MBNL2: variants seen among roughly 807,000 people sequenced by gnomAD.
MBNL2 encodes muscleblind-like protein 2.
A neutral mutation model predicts 41.9 loss-of-function variants in MBNL2; 17 were observed. That is an observed-to-expected ratio of 0.41 (90% CI 0.28 to 0.61). The LOEUF (loss-of-function observed/expected upper bound fraction) is 0.61. MBNL2 is among the 20% of genes least tolerant of loss of function. The probability of loss-of-function intolerance (pLI) is 0.35; values close to 1 mark genes in which losing one functional copy is unlikely to be tolerated. For missense variants in MBNL2, 336 were observed against 505.6 expected, an observed-to-expected ratio of 0.66 and a Z score of 3.22; for synonymous variants, 195 against 182.9, an observed-to-expected ratio of 1.07 and a Z score of -0.53.
rs1367301767 is a variant in MBNL2, at chr13:97,391,859, G to A, written c.*410G>A. The A allele has an allele frequency of 6.1e-6, 1 of 162,776 alleles. No homozygotes were observed. Among genetic ancestry groups the A allele is most frequent in the East Asian group, 1.9e-4 (1 of 5,254 alleles). 10.1% of individuals were successfully genotyped at this position (162,776 alleles called of 1,614,324 possible). A position where few individuals can be genotyped will look rare whatever the true frequency, so the allele number is the denominator to read the frequency against. On this transcript the variant is annotated 3_prime_UTR_variant, in exon 9 of 9. Transcript: ENST00000679496. ...TGTTTCACTTCTTGACAATATAAATGCTGCAGCAAAGATGAGAGGTGAAGT... is the reference window on the plus strand; with the variant it reads ...TGTTTCACTTCTTGACAATATAAATACTGCAGCAAAGATGAGAGGTGAAGT...
chr13:97,268,266 AT>A lies in MBNL2; in HGVS notation c.-604-7359del, dbSNP rs996318806. Among the ~76,000 whole-genome samples the A allele has an allele frequency of 1.3e-5, 2 of 151,864 alleles. No individual in the cohort carries two copies. The highest frequency in any genetic ancestry group is 4.8e-5 in the African/African-American group (2 of 41,326). On this transcript the variant is annotated intron_variant, in intron 1 of 8. Coordinates refer to ENST00000679496, the MANE Select transcript of MBNL2 (RefSeq NM_001382683.1). The surrounding 1 kb of genome is among the most constrained non-coding windows in gnomAD (Gnocchi z 4.6). ...TGCGCCACCATGCACGCCCGGCTAA[AT>A]TTTTTTCTATTTTTTGTAGACATGG...
chr13:97,284,766 G>GGAAT (rs1295477662), intron 2 of MBNL2, among the ~76,000 whole-genome samples: 5 of 152,160 alleles, frequency 3.3e-5, no homozygotes, highest in African/African-American at 1.2e-4. Context: ...AATCGAAGAA[G>GGAAT]GAATGATGAC....
At chr13:97,142,256 T>G in the MBNL2 span, among the ~76,000 whole-genome samples, 1 of 152,198 alleles carries the variant, frequency 6.6e-6, no homozygotes, top group African/African-American at 2.4e-5. Flanking sequence ...TTAGAAAAGA[T>G]AAGGTATTAA....
chr13:97,144,466 G>A, the MBNL2 span, among the ~76,000 whole-genome samples: 1 of 120,662 alleles, frequency 8.3e-6, no homozygotes, highest in Non-Finnish European at 1.6e-5. Flanking sequence ...TTTCGTGCTT[G>A]TTTCCTAGGC....
intron 2 of MBNL2, among the ~76,000 whole-genome samples, chr13:97,293,121 C>T (rs754034477): frequency 2.0e-5 from 3 of 151,774 alleles, no homozygotes; most frequent in Admixed American, 6.6e-5. Context: ...TGTCTTTTTG[C>T]CCATAAATTC....
chr13:97,372,088 T>A (rs936999137), intron 8 of MBNL2, among the ~76,000 whole-genome samples: 1 of 152,232 alleles, frequency 6.6e-6, no homozygotes, highest in Admixed American at 6.5e-5. Context: ...CAGAGCTCTA[T>A]GGACAGTGAA....
intron 2 of MBNL2, among the ~76,000 whole-genome samples, chr13:97,294,874 G>C (rs747844202): frequency 6.6e-6 from 1 of 152,114 alleles, no homozygotes; most frequent in Non-Finnish European, 1.5e-5. Context: ...ACACCCTTTG[G>C]CTTTTTATTC....
At chr13:97,216,126 G>A in the MBNL2 span, among the ~76,000 whole-genome samples, 14 of 151,966 alleles carry the variant, frequency 9.2e-5, no homozygotes, top group Admixed American at 5.9e-4. Context: ...GACATTTCTT[G>A]CGATAAATTC....
intron 2 of MBNL2, among the ~76,000 whole-genome samples, chr13:97,328,177 T>C (rs934834068): frequency 3.5e-5 from 4 of 115,634 alleles, no homozygotes; most frequent in African/African-American, 1.6e-4. Context: ...TTAACCCTTT[T>C]TTTTTTTTTT....
intron 1 of MBNL2, among the ~76,000 whole-genome samples, chr13:97,246,625 T>C (rs2045529251): frequency 6.6e-6 from 1 of 152,232 alleles, no homozygotes; most frequent in Non-Finnish European, 1.5e-5. Flanking sequence ...TCTCTGTCTT[T>C]GGGTAGGAGG....
intron 2 of MBNL2, among the ~76,000 whole-genome samples, chr13:97,323,389 A>T (rs1353452024): frequency 6.6e-6 from 1 of 152,242 alleles, no homozygotes; most frequent in Non-Finnish European, 1.5e-5. Context: ...GGATTCAACC[A>T]ACTATGGATT....
the MBNL2 span, among the ~76,000 whole-genome samples, chr13:97,157,615 A>C: frequency 6.7e-6 from 1 of 150,066 alleles, no homozygotes; most frequent in East Asian, 1.9e-4. Context: ...GGGTTGTTGA[A>C]TTTTGTCAAA....
At chr13:97,294,377 A>G (rs1328834) in intron 2 of MBNL2, among the ~76,000 whole-genome samples, 13,159 of 152,260 alleles carry the variant, frequency 0.086, 635 homozygotes, top group South Asian at 0.14. Context: ...CAGAATTTAC[A>G]ATTAAATACT....
At chr13:97,353,928 G>T (rs1205096341) in intron 5 of MBNL2, among the ~76,000 whole-genome samples, 3 of 151,356 alleles carry the variant, frequency 2.0e-5, no homozygotes, top group African/African-American at 4.9e-5. Context: ...TGGTAGCTCT[G>T]ATCATTGTTG....
chr13:97,312,383 T>C (rs978609044), intron 2 of MBNL2, among the ~76,000 whole-genome samples: 1 of 152,252 alleles, frequency 6.6e-6, no homozygotes, highest in Admixed American at 6.5e-5. Context: ...GTACTTTTCC[T>C]TATTTCATGT....
the MBNL2 span, among the ~76,000 whole-genome samples, chr13:97,203,744 T>C: frequency 6.6e-6 from 1 of 152,188 alleles, no homozygotes; most frequent in Non-Finnish European, 1.5e-5. Context: ...TTCCTTTAGT[T>C]AGTTAATTAT....
chr13:97,389,118 G>A (rs1244834271), intron 8 of MBNL2, among the ~76,000 whole-genome samples: 4 of 152,176 alleles, frequency 2.6e-5, no homozygotes, highest in Non-Finnish European at 4.4e-5. Flanking sequence ...CTGGGGCAGA[G>A]GGGAAGTGCA....
At chr13:97,329,700 A>C in intron 2 of MBNL2, among the ~76,000 whole-genome samples, 2 of 156 alleles carry the variant, frequency 0.013, no homozygotes, top group Non-Finnish European at 0.012. Context: ...CAATACACAC[A>C]CATGCAGCAC....
At chr13:97,148,474 G>T in the MBNL2 span, among the ~76,000 whole-genome samples, 6 of 152,158 alleles carry the variant, frequency 3.9e-5, no homozygotes, top group African/African-American at 1.4e-4. Context: ...TGATAATGAT[G>T]TGTCAATGTA....
Sources: gnomAD v4.1 joint callset for allele counts (sites outside exome capture counted in the v4.1 genomes callset) on GRCh38, gnomAD v4.1.1 for gene constraint, Gnocchi (gnomAD v3.1) non-coding constraint, MANE v1.5 for transcripts, NCBI Gene and HGNC (gene_info 2026-07-23, HGNC 2026-07-21) for gene names.